Variants in ANXA2 observed in about 807,000 individuals in gnomAD.
ANXA2 encodes annexin II.
In ANXA2, 28 loss-of-function variants were observed where a neutral mutation model predicts 47.3. The observed-to-expected ratio is 0.59, with a 90% CI of 0.44 to 0.81. The LOEUF (loss-of-function observed/expected upper bound fraction) is 0.81, where lower values mean the gene tolerates loss of function less well. Ranked by LOEUF, ANXA2 falls within the 40% of genes least tolerant of loss-of-function variation. The probability of loss-of-function intolerance (pLI) is 0.00; values close to 1 mark genes in which losing one functional copy is unlikely to be tolerated. For synonymous variants in ANXA2, 172 were observed against 155.5 expected, an observed-to-expected ratio of 1.11 and a Z score of -0.79; for missense variants, 384 against 414.3, an observed-to-expected ratio of 0.93 and a Z score of 0.64.
intron 11 of ANXA2, 77 bp downstream of exon 11, chr15:60,351,116 C>G (rs1346284384): frequency 6.7e-7 from 1 of 1,484,164 alleles, no homozygotes. Flanking sequence ...ATCCATGAAT[C>G]AAGGAGACTC....
chr15:60,386,160 C>T (rs2062931002), intron 1 of ANXA2, 74 bp from the exon 2 acceptor site: 8 of 996,606 alleles, frequency 8.0e-6, no homozygotes, highest in Non-Finnish European at 1.3e-5. Flanking sequence ...ATTCATTATG[C>T]TAATTTCTAC....
chr15:60,363,039 A>AC (rs1436105501), intron 4 of ANXA2: 1 of 145,812 alleles, frequency 6.9e-6, no homozygotes, highest in African/African-American at 2.7e-5. Flanking sequence ...CAAAAAAAAA[A>AC]AAAAAAAAAA....
chr15:60,367,222 G>A (rs1380620373), intron 3 of ANXA2, among the ~76,000 whole-genome samples: 1 of 116,258 alleles, frequency 8.6e-6, no homozygotes, highest in African/African-American at 3.3e-5. Context: ...GAGGTGGGGG[G>A]GGTCAGCCCC....
At chr15:60,358,343 A>G (rs2062463547) in intron 5 of ANXA2, among the ~76,000 whole-genome samples, 1 of 152,226 alleles carries the variant, frequency 6.6e-6, no homozygotes, top group African/African-American at 2.4e-5. Flanking sequence ...TGGCTTCATG[A>G]TCAAAGTCAA....
At chr15:60,385,026 T>A (rs1295706143) in intron 2 of ANXA2, among the ~76,000 whole-genome samples, 9 of 152,244 alleles carry the variant, frequency 5.9e-5, no homozygotes, top group Non-Finnish European at 5.9e-5. Context: ...TAAAAGTATT[T>A]GAAATAATTT....
At chr15:60,361,598 A>T (rs536062485) in intron 4 of ANXA2, 1 of 155,682 alleles carries the variant, frequency 6.4e-6, no homozygotes, top group Non-Finnish European at 1.4e-5. Flanking sequence ...CCTATGCAAA[A>T]CACTTCATCT....
At chr15:60,397,764 T>G in intron 1 of ANXA2, 179 bp downstream of exon 1, 3 of 1,006,712 alleles carry the variant, frequency 3.0e-6, no homozygotes, top group East Asian at 3.5e-5. Context: ...AAACACCTTG[T>G]CCCTGAGCCC....
At chr15:60,391,519 A>ATGG (rs1378346697) in intron 1 of ANXA2, among the ~76,000 whole-genome samples, 1 of 152,188 alleles carries the variant, frequency 6.6e-6, no homozygotes, top group African/African-American at 2.4e-5. Flanking sequence ...AAGTCTCTGA[A>ATGG]TGGTGCAAAG....
At chr15:60,357,715 A>G (rs2062454219) in intron 5 of ANXA2, among the ~76,000 whole-genome samples, 1 of 151,720 alleles carries the variant, frequency 6.6e-6, no homozygotes, top group African/African-American at 2.4e-5. Flanking sequence ...AATGGCGTGA[A>G]CCTGGGAGGT....
At chr15:60,377,889 A>T (rs2062803483) in intron 3 of ANXA2, among the ~76,000 whole-genome samples, 1 of 152,104 alleles carries the variant, frequency 6.6e-6, no homozygotes, top group Admixed American at 6.5e-5. Flanking sequence ...GGAGTGCGAG[A>T]CGAGCCTGGC....
chr15:60,364,447 G>C lies in ANXA2; in HGVS notation c.225C>G (p.Tyr75Ter). The part of the protein sequence containing the change: ...NAQRQDIAFA[Y>*]QRRTKKELAS... ...CCTGTACCTTTTTGGTCCTTCTCTGGTAGGCGAAGGCAATATCCTGTCTCT... is the reference window on the plus strand; with the variant it reads ...CCTGTACCTTTTTGGTCCTTCTCTGCTAGGCGAAGGCAATATCCTGTCTCT... Residue 75 changes from tyrosine to a stop codon, truncating the protein, a stop_gained, in exon 4 of 13, where the codon TAC becomes TAG. Transcript: ENST00000451270. LOFTEE classifies it high-confidence loss of function. 6.2e-7 allele frequency: 1 copy of C among 1,611,890 alleles called. No homozygotes were observed. The highest frequency in any genetic ancestry group is 8.5e-7 in the Non-Finnish European group (1 of 1,179,436).
intron 3 of ANXA2, among the ~76,000 whole-genome samples, chr15:60,372,196 T>C (rs2062719894): frequency 6.6e-6 from 1 of 152,128 alleles, no homozygotes; most frequent in African/African-American, 2.4e-5. Flanking sequence ...GTACCTACTA[T>C]GTTACAGGCA....
chr15:60,355,708 AG>A, intron 7 of ANXA2: 1 of 616,112 alleles, frequency 1.6e-6, no homozygotes, highest in Non-Finnish European at 3.0e-6. Context: ...TGGCTCCCAA[AG>A]TCCACTTGTC....
rs755855483 is a variant in ANXA2 at position 60,352,403 on chromosome 15, C to G, written c.662G>C (p.Ser221Thr). 47 of 1,613,650 alleles carry G rather than the reference C, an allele frequency of 2.9e-5. No homozygotes were observed. The highest frequency in any genetic ancestry group is 3.8e-5 in the Non-Finnish European group (45 of 1,179,738). ...CCCACCTTTCTGGAGGTGGGGCACG[C>G]TCCGCTCGGTCATGATGCTGATCCA... is the stretch of plus-strand genomic sequence containing the variant. ...PKWISIMTER[S>T]VPHLQKVFDR... The change falls in exon 9 of 13, where the codon AGC becomes ACC. Residue 221 changes from serine (S) to threonine (T), a missense_variant. Transcript: ENST00000451270. The surrounding 1 kb of genome is among the most constrained non-coding windows in gnomAD (Gnocchi z 4.2).
rs1486305647 is a variant in ANXA2 at position 60,357,248 on chromosome 15, G to C, written c.358-12C>G. On this transcript the variant is annotated splice_polypyrimidine_tract_variant and intron_variant, in intron 5 of 12. Coordinates refer to ENST00000451270, the MANE Select transcript of ANXA2 (RefSeq NM_004039.3). ...TCGGTTCCCAGCCCCTGTGAACCAG[G>C]AAGCACGAACATCAGCAGGGAAATG... 1 of 1,611,932 alleles carries C rather than the reference G, an allele frequency of 6.2e-7. No individual in the cohort carries two copies. Among genetic ancestry groups the C allele is most frequent in the Non-Finnish European group, 8.5e-7 (1 of 1,178,228 alleles).
In ANXA2 at chr15:60,354,184, A is replaced by C. The variant is rs1191963824; in HGVS notation, c.558T>G (p.Ile186Met). Residue 186 changes from isoleucine (I) to methionine (M), a missense_variant, in exon 8 of 13, where the codon ATT becomes ATG. Coordinates refer to ENST00000451270, the MANE Select transcript of ANXA2 (RefSeq NM_004039.3). ...CATCTTGGTCAATCAGTTCATAATC[A>C]ATGACAGAGCCATCCTCTGCTCTTC... ...KGRRAEDGSV[I>M]DYELIDQDAR... 1 of 1,613,818 alleles carries C rather than the reference A, an allele frequency of 6.2e-7. No homozygotes were observed. Among genetic ancestry groups the C allele is most frequent in the Admixed American group, 1.7e-5 (1 of 59,980 alleles).
chr15:60,390,647 G>A (rs1382153432), intron 1 of ANXA2: 3 of 258,646 alleles, frequency 1.2e-5, no homozygotes, highest in Admixed American at 4.2e-5. Context: ...ACTGGGAGGA[G>A]ATAACAAAAG....
At chr15:60,376,943 C>T (rs2062787251) in intron 3 of ANXA2, among the ~76,000 whole-genome samples, 1 of 152,230 alleles carries the variant, frequency 6.6e-6, no homozygotes, top group Admixed American at 6.5e-5. Context: ...GGGTAGCGTC[C>T]CGGCACACTC....
chr15:60,370,705 T>A lies in ANXA2; in HGVS notation c.149-6182A>T, dbSNP rs527999382. On this transcript the variant is annotated intron_variant, in intron 3 of 12. Coordinates refer to ENST00000451270, the MANE Select transcript of ANXA2 (RefSeq NM_004039.3). ...CCAGGACACCAGAAAAGCTCTAAATTGAATATAGTGCCAGAGGCCCAGGAG... is the reference window on the plus strand; with the variant it reads ...CCAGGACACCAGAAAAGCTCTAAATAGAATATAGTGCCAGAGGCCCAGGAG... Among the ~76,000 whole-genome samples, 5 of 152,200 alleles carry A rather than the reference T, an allele frequency of 3.3e-5. No individual in the cohort carries two copies. The East Asian group carries it at 9.7e-4, about 29-fold the overall frequency.
Sources: gnomAD v4.1 joint callset for allele counts (sites outside exome capture counted in the v4.1 genomes callset) on GRCh38, gnomAD v4.1.1 for gene constraint, Gnocchi (gnomAD v3.1) non-coding constraint, MANE v1.5 for transcripts, NCBI Gene and HGNC (gene_info 2026-07-23, HGNC 2026-07-21) for gene names.